The following NIPAL2 variants were observed in gnomAD, a reference collection of about 807,000 sequenced individuals.
NIPAL2 encodes NIPA like domain containing 2, also known as NIPA-like protein 2.
In NIPAL2, 43 loss-of-function variants were observed where a neutral mutation model predicts 48.9. The ratio of observed to expected loss-of-function variants is 0.88; its 90% CI spans 0.69 to 1.13. The LOEUF (loss-of-function observed/expected upper bound fraction) is 1.13, where lower values mean the gene tolerates loss of function less well. Ranked by LOEUF, NIPAL2 falls within the 50% of genes most tolerant of loss-of-function variation. The pLI is 0.00. For synonymous variants in NIPAL2, 167 were observed against 174.6 expected (o/e 0.96, Z 0.34); for missense variants, 446 against 461.4 (o/e 0.97, Z 0.31).
At chr8:98,285,155 G>A (rs1052168945) in intron 1 of NIPAL2, among the ~76,000 whole-genome samples, 15 of 152,122 alleles carry the variant, frequency 9.9e-5, no homozygotes, top group Admixed American at 4.6e-4. Flanking sequence ...CTGGGGAGCC[G>A]CTCATGTGAG....
chr8:98,284,418 T>A (rs78229646), intron 1 of NIPAL2, among the ~76,000 whole-genome samples: 1,569 of 146,326 alleles, frequency 0.011, 16 homozygotes, highest in Non-Finnish European at 0.018. Context: ...TCTCTCTCTC[T>A]CACACACACA....
At chr8:98,266,292 A>AT (rs1021026321) in intron 1 of NIPAL2, among the ~76,000 whole-genome samples, 3 of 149,216 alleles carry the variant, frequency 2.0e-5, no homozygotes, top group African/African-American at 7.6e-5. Context: ...TAAAAAAAAA[A>AT]AGAAAATGAA....
intron 8 of NIPAL2, among the ~76,000 whole-genome samples, chr8:98,202,416 G>A (rs1810846586): frequency 2.0e-5 from 3 of 152,182 alleles, no homozygotes; most frequent in Admixed American, 6.5e-5. Flanking sequence ...ATCATATGTT[G>A]AAATGTGATC....
intron 9 of NIPAL2, among the ~76,000 whole-genome samples, chr8:98,195,051 T>C (rs893594253): frequency 6.6e-6 from 1 of 152,222 alleles, no homozygotes; most frequent in Non-Finnish European, 1.5e-5. Context: ...TTTTACCATC[T>C]GGGGGCTAAC....
At chr8:98,242,281 G>C (rs1417675388) in intron 3 of NIPAL2, among the ~76,000 whole-genome samples, 1 of 151,924 alleles carries the variant, frequency 6.6e-6, no homozygotes, top group Non-Finnish European at 1.5e-5. Flanking sequence ...CTGAGCTCAC[G>C]TGATTCTCCC....
At chr8:98,206,776 CAAAA>C (rs11290720) in intron 6 of NIPAL2, among the ~76,000 whole-genome samples, 4 of 99,556 alleles carry the variant, frequency 4.0e-5, no homozygotes, top group Admixed American at 2.0e-4. Context: ...GACTCTGTCT[CAAAA>C]AAAAAAAAAA....
intron 4 of NIPAL2, among the ~76,000 whole-genome samples, chr8:98,228,354 A>G (rs1812280494): frequency 6.6e-6 from 1 of 152,196 alleles, no homozygotes; most frequent in African/African-American, 2.4e-5. Flanking sequence ...AAAAGGAAGC[A>G]GGGTATCACC....
intron 1 of NIPAL2, among the ~76,000 whole-genome samples, chr8:98,293,125 T>C (rs560131072): frequency 2.0e-5 from 3 of 152,332 alleles, no homozygotes; most frequent in African/African-American, 7.2e-5. Context: ...GGTTAAACTC[T>C]CCGATTTAGG....
chr8:98,219,085 C>T (rs1039599729), intron 5 of NIPAL2, among the ~76,000 whole-genome samples: 1 of 152,066 alleles, frequency 6.6e-6, no homozygotes, highest in Non-Finnish European at 1.5e-5. Flanking sequence ...AAGGAGAAGT[C>T]ATGTGTAGTT....
At chr8:98,248,123 C>T (rs1474031340) in intron 3 of NIPAL2, among the ~76,000 whole-genome samples, 1 of 152,146 alleles carries the variant, frequency 6.6e-6, no homozygotes, top group Non-Finnish European at 1.5e-5. Context: ...CTTCTATTTT[C>T]CACCGTGTTT....
intron 1 of NIPAL2, among the ~76,000 whole-genome samples, chr8:98,278,493 C>T (rs764847400): frequency 6.6e-6 from 1 of 152,108 alleles, no homozygotes; most frequent in Non-Finnish European, 1.5e-5. Context: ...ACTCTTTATC[C>T]CTTTGTACTG....
intron 4 of NIPAL2, among the ~76,000 whole-genome samples, chr8:98,225,432 G>C (rs770464726): frequency 6.6e-6 from 1 of 151,924 alleles, no homozygotes; most frequent in Non-Finnish European, 1.5e-5. Flanking sequence ...TTTTATTTCG[G>C]TAAAGCCACA....
intron 3 of NIPAL2, 82 bp downstream of exon 3, chr8:98,252,381 G>C: frequency 7.6e-7 from 1 of 1,314,022 alleles, no homozygotes; most frequent in Non-Finnish European, 1.0e-6. Context: ...CTTCTTTGGT[G>C]CATTTGTTGT....
intron 8 of NIPAL2, among the ~76,000 whole-genome samples, chr8:98,197,328 T>C (rs1447758783): frequency 6.6e-6 from 1 of 152,240 alleles, no homozygotes; most frequent in Non-Finnish European, 1.5e-5. Flanking sequence ...TAAAATACTT[T>C]ATTGCTAAAA....
At chr8:98,227,858 C>T (rs908983359) in intron 4 of NIPAL2, among the ~76,000 whole-genome samples, 1 of 152,182 alleles carries the variant, frequency 6.6e-6, no homozygotes, top group Non-Finnish European at 1.5e-5. Context: ...GCCTAGAGAG[C>T]CTTTCAAGTT....
Position 98,203,147 on chromosome 8 carries a change from C to T in NIPAL2, c.841G>A (p.Val281Ile). The T allele has an allele frequency of 6.2e-7, 1 of 1,614,144 alleles. No individual in the cohort carries two copies. Among genetic ancestry groups the T allele is most frequent in the Non-Finnish European group, 8.5e-7 (1 of 1,179,982 alleles). Reference sequence around the variant, plus strand: ...CTGATTGTAAAGAAAATATGATTAACTGGCACCACTGTTGTCGTATTGTAG... The same window carrying T: ...CTGATTGTAAAGAAAATATGATTAATTGGCACCACTGTTGTCGTATTGTAG... Reference protein sequence around the residue: ...KLYNTTTVVPVNHIFFTISAI... With the variant: ...KLYNTTTVVPINHIFFTISAI... The change falls in exon 8 of 11, where the codon GTT (valine) becomes ATT (isoleucine). Residue 281 changes from valine to isoleucine, a missense_variant. Physicochemically the swap from Val to Ile is conservative, Grantham distance 29. Transcript: ENST00000430223.
intron 3 of NIPAL2, among the ~76,000 whole-genome samples, chr8:98,248,203 T>C (rs1440415066): frequency 6.6e-6 from 1 of 152,234 alleles, no homozygotes; most frequent in Non-Finnish European, 1.5e-5. Flanking sequence ...GCTGTGAGGA[T>C]CCTACTTTAT....
At position 98,252,514 on chromosome 8, in the gene NIPAL2, C is replaced by T; in HGVS notation, c.325G>A (p.Gly109Arg). 1 of 1,614,056 alleles carries T rather than the reference C, an allele frequency of 6.2e-7. No homozygotes were observed. Among genetic ancestry groups the T allele is most frequent in the East Asian group, 2.2e-5 (1 of 44,876 alleles). The change falls in exon 3 of 11, where the codon GGA becomes AGA. Residue 109 changes from glycine (G) to arginine (R), a missense_variant. Physicochemically the swap from Gly to Arg is moderately radical, Grantham distance 125. Coordinates refer to ENST00000430223, the MANE Select transcript of NIPAL2 (RefSeq NM_001321635.2). ...VGETGNFAAY[G>R]FAPITLIAPL... ...GCGATCAGAGTAATGGGAGCAAATC[C>T]ATAGGCTGCAAAGTTCCCCGTCTCT...
chr8:98,241,406 G>A (rs1797149731), intron 3 of NIPAL2, among the ~76,000 whole-genome samples: 1 of 152,214 alleles, frequency 6.6e-6, no homozygotes, highest in African/African-American at 2.4e-5. Context: ...AGTAAAGTCA[G>A]TACTCCCTCA....
Sources: allele counts gnomAD v4.1 joint callset (sites outside exome capture counted in the v4.1 genomes callset), GRCh38; gene constraint gnomAD v4.1.1; transcripts MANE v1.5; gene names NCBI Gene and HGNC (gene_info 2026-07-23, HGNC 2026-07-21).